Variants in CLIP2 observed in about 807,000 individuals in gnomAD.
CLIP2 encodes the protein CAP-Gly domain containing linker protein 2, also known as CAP-Gly domain-containing linker protein 2.
CLIP2 carries 41 observed loss-of-function variants against 111.7 expected under a neutral mutation model. The ratio of observed to expected loss-of-function variants is 0.37; its 90% CI spans 0.29 to 0.48. The LOEUF (loss-of-function observed/expected upper bound fraction) is 0.48, where lower values mean the gene tolerates loss of function less well. Among genes scored for constraint, CLIP2 ranks in the 20% least tolerant of loss-of-function variants. The probability of loss-of-function intolerance (pLI) is 0.99; values close to 1 mark genes in which losing one functional copy is unlikely to be tolerated. For synonymous variants in CLIP2, 660 were observed against 644.2 expected (o/e 1.02, Z -0.37); for missense variants, 1,160 against 1,422.1 (o/e 0.82, Z 2.96).
intron 9 of CLIP2, among the ~76,000 whole-genome samples, chr7:74,374,991 G>C (rs1426410148): frequency 6.6e-6 from 1 of 152,016 alleles, no homozygotes; most frequent in Non-Finnish European, 1.5e-5. Context: ...CCTTGGGCTG[G>C]ATATCCTTCC....
At chr7:74,373,695 G>A (rs926107827) in intron 9 of CLIP2, among the ~76,000 whole-genome samples, 31 of 152,194 alleles carry the variant, frequency 2.0e-4, no homozygotes, top group Admixed American at 7.2e-4. Flanking sequence ...TCCTGGGAAT[G>A]TCCTGTCTCT....
chr7:74,289,903 C>G (rs906316997), intron 1 of CLIP2, among the ~76,000 whole-genome samples, 169 bp downstream of exon 1: 10 of 152,008 alleles, frequency 6.6e-5, no homozygotes, highest in Admixed American at 4.6e-4. Flanking sequence ...TGGGCGGGAG[C>G]TGGCTGGGGT....
At position 74,400,390 on chromosome 7, in the gene CLIP2, G is replaced by A. The variant is rs201840413; in HGVS notation, c.2901G>A (p.Ser967=). 5.7e-5 allele frequency: 91 copies of A among 1,610,312 alleles called. No homozygotes were observed. The highest frequency in any genetic ancestry group is 7.0e-5 in the Non-Finnish European group (82 of 1,177,804). ...LTGLDKEKSL[S]DQRRYSLIDR... ...TCCAGGACAAAGAGAAATCCCTGTCGGATCAGAGGCGCTACTCCCTCATCG... is the reference window on the plus strand; with the variant it reads ...TCCAGGACAAAGAGAAATCCCTGTCAGATCAGAGGCGCTACTCCCTCATCG... Residue 967 remains serine (S), a synonymous_variant, in exon 15 of 17, where the codon TCG becomes TCA. Coordinates refer to ENST00000223398, the MANE Select transcript of CLIP2 (RefSeq NM_003388.5).
intron 14 of CLIP2, 96 bp from the exon 15 acceptor site, chr7:74,400,274 A>G (rs1554317317): frequency 2.7e-6 from 3 of 1,117,604 alleles, no homozygotes; most frequent in African/African-American, 1.6e-5. Context: ...ACCCAGAGAC[A>G]AAGTGAGGCT....
chr7:74,358,576 T>A (rs782770003), intron 6 of CLIP2, among the ~76,000 whole-genome samples: 102 of 152,038 alleles, frequency 6.7e-4, no homozygotes, highest in Non-Finnish European at 1.0e-3. Flanking sequence ...TTCTTTTTTT[T>A]TTTTATTTTA....
chr7:74,313,559 C>CA lies in CLIP2; in HGVS notation c.-67-3906dup, dbSNP rs781919019. Reference sequence around the variant, plus strand: ...TGGGCGACAGAGTGAGACTCCATCTCAAAAAAAAAAAAAAATGAAGAGCCC... The same window carrying CA: ...TGGGCGACAGAGTGAGACTCCATCTCAAAAAAAAAAAAAAAATGAAGAGCCC... On this transcript the variant is annotated intron_variant, in intron 1 of 16. Coordinates refer to ENST00000223398, the MANE Select transcript of CLIP2 (RefSeq NM_003388.5). Among the ~76,000 whole-genome samples the CA allele has an allele frequency of 5.4e-3, 652 of 121,610 alleles. 2 individuals carry two copies. The highest frequency in any genetic ancestry group is 0.012 in the East Asian group (51 of 4,216). The allele number at this position is 121,610 out of a possible 152,430, so 79.8% of individuals were successfully genotyped here.
chr7:74,352,724 T>C (rs1364317254), intron 3 of CLIP2, among the ~76,000 whole-genome samples: 1 of 133,570 alleles, frequency 7.5e-6, no homozygotes, highest in Non-Finnish European at 1.6e-5. Flanking sequence ...TTTTTAGATA[T>C]GGACCAGGTG....
chr7:74,317,446 G>T, intron 1 of CLIP2, 34 bp from the exon 2 acceptor site: 4 of 1,293,194 alleles, frequency 3.1e-6, no homozygotes, highest in Non-Finnish European at 3.9e-6. Flanking sequence ...CCATTGGGAA[G>T]TGATGATGTG....
At chr7:74,292,364 A>T (rs979258191) in intron 1 of CLIP2, among the ~76,000 whole-genome samples, 1 of 152,120 alleles carries the variant, frequency 6.6e-6, no homozygotes, top group Non-Finnish European at 1.5e-5. Flanking sequence ...AAAAGTATAT[A>T]TTAAGTGCTT....
At chr7:74,318,791 G>A (rs1234129257) in intron 2 of CLIP2, among the ~76,000 whole-genome samples, 3 of 152,170 alleles carry the variant, frequency 2.0e-5, no homozygotes, top group Admixed American at 2.0e-4. Context: ...CACAAAGCCT[G>A]GCTTTGATGA....
chr7:74,296,699 G>A (rs1554726171), intron 1 of CLIP2, among the ~76,000 whole-genome samples: 2 of 149,378 alleles, frequency 1.3e-5, no homozygotes, highest in Non-Finnish European at 3.0e-5. Context: ...TGAGGCAGGA[G>A]AATTGCTTGA....
intron 3 of CLIP2, among the ~76,000 whole-genome samples, chr7:74,352,146 G>A (rs1554307688): frequency 1.3e-5 from 2 of 152,068 alleles, no homozygotes; most frequent in African/African-American, 2.4e-5. Context: ...ATTAAAACTA[G>A]GCAGACAGGC....
chr7:74,376,834 C>A lies in CLIP2; in HGVS notation c.2421+12C>A, dbSNP rs782714648. 1 of 1,558,410 alleles carries A rather than the reference C, an allele frequency of 6.4e-7. No individual in the cohort carries two copies. Among genetic ancestry groups the A allele is most frequent in the Non-Finnish European group, 8.7e-7 (1 of 1,153,030 alleles). On this transcript the variant is annotated intron_variant, in intron 10 of 16. Coordinates refer to ENST00000223398, the MANE Select transcript of CLIP2 (RefSeq NM_003388.5). The surrounding 1 kb of genome is among the most constrained non-coding windows in gnomAD (Gnocchi z 7.1). ...CCCAGCACACCCACGTAGGCGCCTG[C>A]CCCTCCTGCTGGGGCGGGAGGGTCG...
At chr7:74,398,877 C>G (rs542282393) in intron 14 of CLIP2, among the ~76,000 whole-genome samples, 1 of 152,168 alleles carries the variant, frequency 6.6e-6, no homozygotes. Context: ...TTCCCTAGAG[C>G]CTTGTAGGAG....
intron 3 of CLIP2, among the ~76,000 whole-genome samples, chr7:74,351,830 C>T (rs1790010848): frequency 1.3e-5 from 2 of 151,180 alleles, no homozygotes; most frequent in Non-Finnish European, 1.5e-5. Context: ...AGTGAGACTC[C>T]GTCTCAAAAT....
At chr7:74,393,181 G>C (rs1267535737) in intron 13 of CLIP2, among the ~76,000 whole-genome samples, 3 of 147,652 alleles carry the variant, frequency 2.0e-5, no homozygotes, top group Admixed American at 6.8e-5. Context: ...GATTACAGGC[G>C]CCCATCACCA....
At chr7:74,344,578 T>A (rs889048944) in intron 3 of CLIP2, among the ~76,000 whole-genome samples, 3 of 152,040 alleles carry the variant, frequency 2.0e-5, no homozygotes, top group Non-Finnish European at 2.9e-5. Context: ...TTATTTATTT[T>A]TTTTGCAGAG....
chr7:74,321,337 G>A lies in CLIP2; in HGVS notation c.121+3670G>A, dbSNP rs200220984. 7.9e-5 allele frequency among the ~76,000 whole-genome samples: 12 copies of A among 152,246 alleles called. No homozygotes were observed. The East Asian group carries it at 1.2e-3, about 15-fold the overall frequency. On this transcript the variant is annotated intron_variant, in intron 2 of 16. Transcript: ENST00000223398. ...CACTGCACAGCCTAACCAGGATTCC[G>A]TGAAGGATGGACCATGTTTATCGTG...
In CLIP2 at chr7:74,318,112, C is replaced by T. The variant is rs74767370; in HGVS notation, c.121+445C>T. The stretch of plus-strand genomic sequence containing the variant: ...ACTCGAGAGGCTGAGAGAGGAGAAT[C>T]GCCTGGGCAACAGAGTGAGACTCTG... On this transcript the variant is annotated intron_variant, in intron 2 of 16. Coordinates refer to ENST00000223398, the MANE Select transcript of CLIP2 (RefSeq NM_003388.5). Among the ~76,000 whole-genome samples the T allele has an allele frequency of 2.1e-3, 323 of 151,362 alleles. 4 individuals carry two copies. The highest frequency in any genetic ancestry group is 7.5e-3 in the African/African-American group (311 of 41,236).
Sources: allele counts gnomAD v4.1 joint callset (sites outside exome capture counted in the v4.1 genomes callset), GRCh38; gene constraint gnomAD v4.1.1; non-coding constraint Gnocchi (gnomAD v3.1); transcripts MANE v1.5; gene names NCBI Gene and HGNC (gene_info 2026-07-23, HGNC 2026-07-21).